The following TMPRSS11E variants were observed in gnomAD, a reference collection of about 807,000 sequenced individuals.
The protein encoded by TMPRSS11E is transmembrane serine protease 11E.
In TMPRSS11E, 38 loss-of-function variants were observed where a neutral mutation model predicts 48.1. That is an observed-to-expected ratio of 0.79 (90% CI 0.61 to 1.04). The LOEUF (loss-of-function observed/expected upper bound fraction) is 1.04. Among genes scored for constraint, TMPRSS11E ranks in the 50% least tolerant of loss-of-function variants. TMPRSS11E has a pLI of 0.00. For missense variants in TMPRSS11E, 530 were observed against 510.8 expected (o/e 1.04, Z -0.36); for synonymous variants, 158 against 171.9 (o/e 0.92, Z 0.63).
intron 1 of TMPRSS11E, among the ~76,000 whole-genome samples, chr4:68,453,341 A>G (rs747847046): frequency 4.5e-4 from 69 of 151,846 alleles, no homozygotes; most frequent in Non-Finnish European, 9.0e-4. Context: ...ACTTTCCTAG[A>G]GCCACCTAAC....
chr4:68,457,846 A>G (rs147219198), intron 1 of TMPRSS11E, among the ~76,000 whole-genome samples: 5,130 of 152,028 alleles, frequency 0.034, 141 homozygotes, highest in South Asian at 0.067. Context: ...AAAACCAAAT[A>G]CTGCATGTTT....
chr4:68,494,171 A>G (rs1241403281), intron 9 of TMPRSS11E, among the ~76,000 whole-genome samples: 1 of 151,958 alleles, frequency 6.6e-6, no homozygotes, highest in Admixed American at 6.6e-5. Flanking sequence ...TATCACCTTA[A>G]TGAGTGCCAA....
At chr4:68,477,697 C>G (rs751243545) in intron 8 of TMPRSS11E, 69 bp downstream of exon 8, 32 of 1,552,216 alleles carry the variant, frequency 2.1e-5, no homozygotes, top group Non-Finnish European at 2.4e-5. Flanking sequence ...CAATGAAATG[C>G]CATTATGCCA....
chr4:68,465,683 A>G (rs1172990377), intron 2 of TMPRSS11E, among the ~76,000 whole-genome samples: 1 of 152,114 alleles, frequency 6.6e-6, no homozygotes, highest in Non-Finnish European at 1.5e-5. Context: ...GAAGAGGGAA[A>G]GAATAGGGAG....
intron 8 of TMPRSS11E, among the ~76,000 whole-genome samples, chr4:68,478,116 A>G (rs1220801102): frequency 2.6e-5 from 4 of 151,284 alleles, no homozygotes; most frequent in Non-Finnish European, 5.9e-5. Context: ...TTATTGTTCT[A>G]AACATATGTA....
intron 1 of TMPRSS11E, among the ~76,000 whole-genome samples, chr4:68,456,988 G>A (rs1195461648): frequency 6.6e-6 from 1 of 152,092 alleles, no homozygotes; most frequent in Non-Finnish European, 1.5e-5. Flanking sequence ...TCAGGACATA[G>A]GCATGGGCAA....
intron 1 of TMPRSS11E, among the ~76,000 whole-genome samples, chr4:68,454,411 C>T (rs1728572794): frequency 6.6e-6 from 1 of 151,826 alleles, no homozygotes; most frequent in South Asian, 2.1e-4. Context: ...GCTTATTTCA[C>T]TATGTTATTA....
Position 68,476,436 on chromosome 4 carries a change from A to T in TMPRSS11E, c.705A>T (p.Thr235=). 6.2e-7 allele frequency: 1 copy of T among 1,606,872 alleles called. No individual in the cohort carries two copies. Among genetic ancestry groups the T allele is most frequent in the Non-Finnish European group, 8.5e-7 (1 of 1,175,400 alleles). Residue 235 remains threonine, a splice_region_variant and synonymous_variant, in exon 7 of 10, where the codon ACA becomes ACT. Coordinates refer to ENST00000305363, the MANE Select transcript of TMPRSS11E (RefSeq NM_014058.4). ...TWLVSAAHCF[T]TYKNPARWTA... ...TTGTGAGTGCTGCTCACTGTTTTACAACGTAAGTCTTGAAGCTTGAGAATG... is the reference window on the plus strand; with the variant it reads ...TTGTGAGTGCTGCTCACTGTTTTACTACGTAAGTCTTGAAGCTTGAGAATG...
intron 8 of TMPRSS11E, among the ~76,000 whole-genome samples, chr4:68,477,956 T>C (rs1052960558): frequency 2.9e-4 from 44 of 152,168 alleles, no homozygotes; most frequent in Admixed American, 2.2e-3. Flanking sequence ...ATTCTGAAGA[T>C]TGGAGAATCA....
chr4:68,452,957 T>G (rs375985523), intron 1 of TMPRSS11E, among the ~76,000 whole-genome samples: 7 of 151,932 alleles, frequency 4.6e-5, no homozygotes, highest in African/African-American at 1.7e-4. Context: ...GATGAACGCT[T>G]TTTAAAGTTT....
At chr4:68,470,974 A>T (rs1168756707) in intron 4 of TMPRSS11E, among the ~76,000 whole-genome samples, 1 of 151,812 alleles carries the variant, frequency 6.6e-6, no homozygotes, top group East Asian at 1.9e-4. Context: ...TTTAAGACAC[A>T]CTGTATTTGA....
chr4:68,474,814 A>G, intron 6 of TMPRSS11E, 53 bp downstream of exon 6: 2 of 1,449,704 alleles, frequency 1.4e-6, no homozygotes, highest in Non-Finnish European at 1.9e-6. Context: ...AAAAGCTAAC[A>G]CTATAGGTCA....
At chr4:68,486,980 T>A (rs1729571245) in intron 9 of TMPRSS11E, among the ~76,000 whole-genome samples, 1 of 152,214 alleles carries the variant, frequency 6.6e-6, no homozygotes, top group Non-Finnish European at 1.5e-5. Flanking sequence ...TTGGTAGATC[T>A]TTCCTTATGC....
At chr4:68,455,847 G>C (rs927415855) in intron 1 of TMPRSS11E, among the ~76,000 whole-genome samples, 1 of 152,002 alleles carries the variant, frequency 6.6e-6, no homozygotes, top group East Asian at 1.9e-4. Flanking sequence ...TTATTATCTT[G>C]AACTAAAAAG....
chr4:68,496,232 T>TG (rs1252178518), intron 9 of TMPRSS11E, among the ~76,000 whole-genome samples: 3 of 152,200 alleles, frequency 2.0e-5, no homozygotes, highest in South Asian at 2.1e-4. Flanking sequence ...GTCTGTTTTT[T>TG]TTTGTTTGTT....
At chr4:68,478,451 CTTTTT>C (rs377068765) in intron 8 of TMPRSS11E, among the ~76,000 whole-genome samples, 1 of 73,616 alleles carries the variant, frequency 1.4e-5, no homozygotes, top group African/African-American at 5.4e-5. Context: ...GTATCCCCCG[CTTTTT>C]TTTTTTTTTT....
At chr4:68,466,786 G>C (rs1728939122) in intron 3 of TMPRSS11E, 34 bp downstream of exon 3, 2 of 1,611,446 alleles carry the variant, frequency 1.2e-6, no homozygotes, top group Non-Finnish European at 1.7e-6. Flanking sequence ...TAGTGCATTT[G>C]CTTTCACTTT....
At chr4:68,471,748 C>T (rs1578138501) in intron 5 of TMPRSS11E, 125 bp downstream of exon 5, 1 of 619,852 alleles carries the variant, frequency 1.6e-6, no homozygotes, top group Non-Finnish European at 2.6e-6. Flanking sequence ...CAGTATATTT[C>T]TTTGGAACTA....
At chr4:68,493,255 A>G (rs1478064522) in intron 9 of TMPRSS11E, among the ~76,000 whole-genome samples, 1 of 152,124 alleles carries the variant, frequency 6.6e-6, no homozygotes, top group African/African-American at 2.4e-5. Flanking sequence ...AAATCCCCTC[A>G]TCCCCTTTCC....
Sources: gnomAD v4.1 joint callset for allele counts (sites outside exome capture counted in the v4.1 genomes callset) on GRCh38, gnomAD v4.1.1 for gene constraint, MANE v1.5 for transcripts, NCBI Gene and HGNC (gene_info 2026-07-23, HGNC 2026-07-21) for gene names.